DDX46: variants seen among roughly 807,000 people sequenced by gnomAD.
The protein encoded by DDX46 is probable ATP-dependent RNA helicase DDX46.
A neutral mutation model predicts 134.9 loss-of-function variants in DDX46; 30 were observed. The observed-to-expected ratio is 0.22, with a 90% CI of 0.17 to 0.30. The LOEUF is 0.30. Ranked by LOEUF, DDX46 falls within the 10% of genes least tolerant of loss-of-function variation. DDX46 has a pLI of 1.00. For synonymous variants in DDX46, 415 were observed against 404.1 expected, an observed-to-expected ratio of 1.03 and a Z score of -0.32; for missense variants, 622 against 1,248.7, an observed-to-expected ratio of 0.50 and a Z score of 7.56.
At chr5:134,774,549 A>G (rs1239564783) in intron 5 of DDX46, among the ~76,000 whole-genome samples, 1 of 152,200 alleles carries the variant, frequency 6.6e-6, no homozygotes, top group Non-Finnish European at 1.5e-5. Context: ...TGTGTTTAGT[A>G]AGCATCACTG....
At chr5:134,767,100 G>A (rs1481669480) in intron 3 of DDX46, 40 bp downstream of exon 3, 3 of 1,553,636 alleles carry the variant, frequency 1.9e-6, no homozygotes, top group Non-Finnish European at 2.6e-6. Context: ...TGCAGACTGG[G>A]GACTGCTTCC....
In DDX46 at chr5:134,811,855, A is replaced by G. The variant is rs1755153853; in HGVS notation, c.2436+10A>G. The G allele has an allele frequency of 5.6e-6, 9 of 1,602,742 alleles. No homozygotes were observed. In the South Asian group the frequency reaches 7.9e-5, roughly 14 times the overall value. On this transcript the variant is annotated intron_variant, in intron 18 of 22. Transcript: ENST00000452510. ...GGATGCTGCAGTTGATGTAAGTACT[A>G]TTATTCTCTCATTCTTAATTGAAGC... is the stretch of plus-strand genomic sequence containing the variant.
Position 134,826,939 on chromosome 5 carries a change from A to T in DDX46, c.2978-8A>T, listed in dbSNP as rs2150164461. The T allele has an allele frequency of 6.2e-7, 1 of 1,611,958 alleles. No homozygotes were observed. The highest frequency in any genetic ancestry group is 2.2e-5 in the East Asian group (1 of 44,844). The stretch of plus-strand genomic sequence containing the variant: ...ATTTGAATAATATGCTTTCCACTCA[A>T]TCACTAGGTGCCAATGAACTGGCTG... On this transcript the variant is annotated splice_polypyrimidine_tract_variant and splice_region_variant and intron_variant, in intron 21 of 22. Coordinates refer to ENST00000452510, the MANE Select transcript of DDX46 (RefSeq NM_001300860.2).
At chr5:134,768,109 A>ATT (rs34340470) in intron 3 of DDX46, among the ~76,000 whole-genome samples, 1 of 141,834 alleles carries the variant, frequency 7.1e-6, no homozygotes. Context: ...ATAAGTGAAG[A>ATT]TTTTTTTTTT....
chr5:134,807,215 T>C lies in DDX46; in HGVS notation c.1955-533T>C, dbSNP rs192895105. On this transcript the variant is annotated intron_variant, in intron 15 of 22. Coordinates refer to ENST00000452510, the MANE Select transcript of DDX46 (RefSeq NM_001300860.2). The stretch of plus-strand genomic sequence containing the variant: ...TTTTGTATTTTTAGTAGAGACGGGG[T>C]TTCACCATGTTGGTCAGGCTGGTCT... Among the ~76,000 whole-genome samples, 389 of 129,686 alleles carry C rather than the reference T, an allele frequency of 3.0e-3. 1 individual carries two copies. The highest frequency in any genetic ancestry group is 8.6e-3 in the Middle Eastern group (2 of 232). 85.1% of individuals were successfully genotyped at this position (129,686 alleles called of 152,430 possible). A position where few individuals can be genotyped will look rare whatever the true frequency, so the allele number is the denominator to read the frequency against.
chr5:134,774,518 T>C (rs1753873459), intron 5 of DDX46, among the ~76,000 whole-genome samples: 1 of 152,196 alleles, frequency 6.6e-6, no homozygotes, highest in South Asian at 2.1e-4. Flanking sequence ...AATATTTATG[T>C]TGTAATTTGA....
rs1431009671 is a variant in DDX46, at chr5:134,830,022, A to C, written c.*1316A>C. 6.6e-6 allele frequency: 1 copy of C among 151,980 alleles called. No individual in the cohort carries two copies. Among genetic ancestry groups the C allele is most frequent in the Non-Finnish European group, 1.5e-5 (1 of 67,998 alleles). The allele number at this position is 151,980 out of a possible 1,614,324, so 9.4% of individuals were successfully genotyped here. A position where few individuals can be genotyped will look rare whatever the true frequency, so the allele number is the denominator to read the frequency against. On this transcript the variant is annotated 3_prime_UTR_variant, in exon 23 of 23. Transcript: ENST00000452510. ...TTAAATTGTTATAATTGGATTACCT[A>C]ATATTCTTTTCAAGACTCCTGATGT...
intron 3 of DDX46, among the ~76,000 whole-genome samples, chr5:134,768,202 C>T (rs560849732): frequency 2.8e-4 from 43 of 151,658 alleles, no homozygotes; most frequent in African/African-American, 9.4e-4. Context: ...CTTCGCCTCC[C>T]GGGTTCAAGT....
intron 18 of DDX46, among the ~76,000 whole-genome samples, chr5:134,812,661 G>A (rs563675549): frequency 2.6e-5 from 4 of 152,184 alleles, no homozygotes; most frequent in South Asian, 2.1e-4. Context: ...TTAGCCGGGC[G>A]TGTCTTGCTC....
intron 21 of DDX46, among the ~76,000 whole-genome samples, chr5:134,824,504 A>C (rs554750076): frequency 6.6e-6 from 1 of 152,212 alleles, no homozygotes; most frequent in Admixed American, 6.6e-5. Context: ...CCTTGGAAAC[A>C]GAAGGTAGAG....
In DDX46 at chr5:134,783,023, T is replaced by A; in HGVS notation, c.1124T>A (p.Val375Asp). Residue 375 changes from valine (V) to aspartate (D), a missense_variant, in exon 9 of 23, where the codon GTC becomes GAC. By Grantham distance (152) the Val-to-Asp change is radical. This residue lies in a region of DDX46 where 63 missense variants were observed against 84.0 expected (regional missense o/e 0.75). Transcript: ENST00000452510. Reference sequence around the variant, plus strand: ...TGCCCCAAACCAATTAAATCCTGGGTCCAGTGTGGAATTTCCATGAAGATC... The same window carrying A: ...TGCCCCAAACCAATTAAATCCTGGGACCAGTGTGGAATTTCCATGAAGATC... Reference protein sequence around the residue: ...KGCPKPIKSWVQCGISMKILN... With the variant: ...KGCPKPIKSWDQCGISMKILN... The A allele has an allele frequency of 3.7e-6, 6 of 1,613,752 alleles. No individual in the cohort carries two copies. The highest frequency in any genetic ancestry group is 5.1e-6 in the Non-Finnish European group (6 of 1,179,766).
chr5:134,804,015 C>G (rs536747090), intron 15 of DDX46, among the ~76,000 whole-genome samples: 6 of 150,148 alleles, frequency 4.0e-5, no homozygotes, highest in African/African-American at 1.5e-4. Context: ...TTACTGCATC[C>G]TCGACCTCCA....
chr5:134,805,342 A>G (rs1268164904), intron 15 of DDX46, among the ~76,000 whole-genome samples: 1 of 151,296 alleles, frequency 6.6e-6, no homozygotes, highest in African/African-American at 2.4e-5. Flanking sequence ...TAAATTTTGT[A>G]TTTTTAGTAG....
chr5:134,780,176 ATGTG>A (rs1330205898), intron 6 of DDX46, among the ~76,000 whole-genome samples: 1 of 150,202 alleles, frequency 6.7e-6, no homozygotes, highest in African/African-American at 2.5e-5. Context: ...GTATATGTAT[ATGTG>A]TGTATGTATA....
In DDX46 at chr5:134,758,855, C is replaced by G. The variant is rs1323867571; in HGVS notation, c.-84C>G. The G allele has an allele frequency of 2.5e-6, 4 of 1,602,482 alleles. No homozygotes were observed. Among genetic ancestry groups the G allele is most frequent in the Non-Finnish European group, 3.4e-6 (4 of 1,170,204 alleles). On this transcript the variant is annotated 5_prime_UTR_variant, in exon 1 of 23. Coordinates refer to ENST00000452510, the MANE Select transcript of DDX46 (RefSeq NM_001300860.2). ...GTGTTTAGCGCTGGTCTTTGCCGGG[C>G]GTTGAGGGCAGCTCAGCCTCCTTGT...
At position 134,758,892 on chromosome 5, in the gene DDX46, G is replaced by T. The variant is rs1231132468; in HGVS notation, c.-47G>T. 3.1e-6 allele frequency: 5 copies of T among 1,613,564 alleles called. No homozygotes were observed. In the African/African-American group the frequency reaches 5.3e-5, roughly 17 times the overall value. ...CTCAGCCTCCTTGTTTGTCCGGTTCGCCTGTGCGTGGTACTCAAGGGCACC... is the reference window on the plus strand; with the variant it reads ...CTCAGCCTCCTTGTTTGTCCGGTTCTCCTGTGCGTGGTACTCAAGGGCACC... On this transcript the variant is annotated 5_prime_UTR_variant, in exon 1 of 23. Coordinates refer to ENST00000452510, the MANE Select transcript of DDX46 (RefSeq NM_001300860.2).
Position 134,817,670 on chromosome 5 carries a change from T to C in DDX46, c.2788T>C (p.Phe930Leu), listed in dbSNP as rs1165044060. 1.2e-6 allele frequency: 2 copies of C among 1,614,090 alleles called. No homozygotes were observed. The highest frequency in any genetic ancestry group is 2.2e-5 in the South Asian group (2 of 91,066). Residue 930 changes from phenylalanine to leucine, a missense_variant, in exon 20 of 23, where the codon TTT becomes CTT. Around this residue, in one of 8 missense-constraint regions of DDX46, gnomAD observed 76 missense variants for 213.0 expected, o/e 0.36. Transcript: ENST00000452510. ...ERQDGGQNES[F>L]KRYEEELEIN... The stretch of plus-strand genomic sequence containing the variant: ...ACAGGATGGTGGACAGAATGAATCT[T>C]TTAAGAGATATGAAGAAGAATTAGA...
chr5:134,781,297 T>C (rs764811025), intron 7 of DDX46, 51 bp downstream of exon 7: 2 of 1,389,136 alleles, frequency 1.4e-6, no homozygotes, highest in Admixed American at 4.5e-5. Flanking sequence ...TGGAAGCATT[T>C]ATTAGAAAGC....
intron 13 of DDX46, among the ~76,000 whole-genome samples, chr5:134,792,374 A>C (rs1048183440): frequency 1.3e-5 from 2 of 152,120 alleles, no homozygotes; most frequent in African/African-American, 4.8e-5. Flanking sequence ...GAAGGACTGA[A>C]TAAACATTAT....
Sources: gnomAD v4.1 joint callset for allele counts (sites outside exome capture counted in the v4.1 genomes callset) on GRCh38, gnomAD v4.1.1 for gene constraint, gnomAD v4.1.1 regional missense constraint, MANE v1.5 for transcripts, NCBI Gene and HGNC (gene_info 2026-07-23, HGNC 2026-07-21) for gene names.